The following C9 variants were observed in gnomAD, a reference collection of about 807,000 sequenced individuals.
C9 encodes complement C9, also known as complement component C9.
In C9, 63 loss-of-function variants were observed where a neutral mutation model predicts 65.4. The observed-to-expected ratio is 0.96, with a 90% CI of 0.79 to 1.19. The LOEUF is 1.19. C9 is among the 50% of genes most tolerant of loss of function. The pLI is 0.00. For missense variants in C9, 744 were observed against 670.1 expected, an observed-to-expected ratio of 1.11 and a Z score of -1.22; for synonymous variants, 229 against 227.9, an observed-to-expected ratio of 1.00 and a Z score of -0.04.
chr5:39,335,792 G>A (rs1278557726), intron 4 of C9, among the ~76,000 whole-genome samples: 2 of 152,116 alleles, frequency 1.3e-5, no homozygotes, highest in Admixed American at 6.5e-5. Flanking sequence ...ACCATGGGAG[G>A]GTCATTAAAA....
intron 8 of C9, 33 bp from the exon 9 acceptor site, chr5:39,306,825 G>A (rs754712022): frequency 2.6e-6 from 4 of 1,533,374 alleles, no homozygotes; most frequent in Non-Finnish European, 3.6e-6. Context: ...AAGAGAAGCA[G>A]AAGAAGTTTA....
rs148994168 is a variant in C9, at chr5:39,341,643, C to T, written c.241G>A (p.Ala81Thr). Reference protein sequence around the residue: ...GQFNGKRCTDAVGDRRQCVPT... With the variant: ...GQFNGKRCTDTVGDRRQCVPT... ...ACACACTGTCGTCTGTCTCCCACAGCGTCGGTGCATCTTTTCCCATTAAAT... is the reference window on the plus strand; with the variant it reads ...ACACACTGTCGTCTGTCTCCCACAGTGTCGGTGCATCTTTTCCCATTAAAT... Residue 81 changes from alanine to threonine, a missense_variant, in exon 3 of 11, where the codon GCT becomes ACT. By Grantham distance (58) the Ala-to-Thr change is moderately conservative. Transcript: ENST00000263408. The T allele has an allele frequency of 1.1e-5, 17 of 1,613,584 alleles. No individual in the cohort carries two copies. Among genetic ancestry groups the T allele is most frequent in the Middle Eastern group, 1.6e-4 (1 of 6,082 alleles).
intron 4 of C9, among the ~76,000 whole-genome samples, chr5:39,340,080 G>A (rs559160637): frequency 6.6e-6 from 1 of 152,168 alleles, no homozygotes; most frequent in Non-Finnish European, 1.5e-5. Context: ...ACCCGGGACT[G>A]GAGTCCTATC....
intron 4 of C9, among the ~76,000 whole-genome samples, chr5:39,335,051 C>T (rs1467524779): frequency 6.6e-6 from 1 of 151,566 alleles, no homozygotes; most frequent in East Asian, 1.9e-4. Flanking sequence ...TTGACACAAG[C>T]TCTCCACCAG....
At position 39,343,820 on chromosome 5, in the gene C9, A is replaced by C. The variant is rs922083922; in HGVS notation, c.78-1624T>G. Among the ~76,000 whole-genome samples the C allele has an allele frequency of 2.4e-4, 36 of 152,198 alleles. 1 individual carries two copies. The highest frequency in any genetic ancestry group is 8.7e-4 in the African/African-American group (36 of 41,492). On this transcript the variant is annotated intron_variant, in intron 1 of 10. Transcript: ENST00000263408. ...TCACATGGCTGGGTACCCCTCTGAT[A>C]TGAAGCTTCCAGAGGAACGATCAAG...
intron 4 of C9, among the ~76,000 whole-genome samples, chr5:39,333,687 A>G (rs1753891054): frequency 1.3e-5 from 2 of 151,362 alleles, no homozygotes; most frequent in South Asian, 4.2e-4. Context: ...TACTGCCGCC[A>G]TCTTGGCTCA....
intron 1 of C9, among the ~76,000 whole-genome samples, chr5:39,351,390 G>A (rs1481485507): frequency 1.3e-5 from 2 of 152,172 alleles, no homozygotes; most frequent in Admixed American, 6.5e-5. Context: ...CAGCTGGCTG[G>A]AATTTCTCCC....
intron 9 of C9, among the ~76,000 whole-genome samples, chr5:39,295,345 C>T (rs753624273): frequency 1.3e-5 from 2 of 151,600 alleles, no homozygotes; most frequent in Non-Finnish European, 3.0e-5. Flanking sequence ...AACTGACAAT[C>T]GACTTTAGTA....
chr5:39,353,365 T>C (rs1396193166), intron 1 of C9, among the ~76,000 whole-genome samples: 3 of 152,206 alleles, frequency 2.0e-5, no homozygotes, highest in Non-Finnish European at 4.4e-5. Context: ...CACAATGCCT[T>C]GAGAGCTCTA....
At chr5:39,345,737 G>A (rs560080841) in intron 1 of C9, among the ~76,000 whole-genome samples, 21 of 152,156 alleles carry the variant, frequency 1.4e-4, no homozygotes, top group Middle Eastern at 3.4e-3. Context: ...GCACCACATC[G>A]CACTTATCTC....
At chr5:39,298,475 G>A (rs1024398949) in intron 9 of C9, among the ~76,000 whole-genome samples, 1 of 151,476 alleles carries the variant, frequency 6.6e-6, no homozygotes, top group Non-Finnish European at 1.5e-5. Flanking sequence ...ATCCAAGACA[G>A]GATATCACTA....
chr5:39,363,436 A>C (rs1257286438), intron 1 of C9, among the ~76,000 whole-genome samples: 1 of 152,238 alleles, frequency 6.6e-6, no homozygotes, highest in East Asian at 1.9e-4. Context: ...GGAGACGGGC[A>C]TCAAAGTTCA....
chr5:39,331,552 T>TTAAG (rs1326902685), intron 5 of C9, 124 bp downstream of exon 5: 1 of 856,400 alleles, frequency 1.2e-6, no homozygotes, highest in African/African-American at 1.7e-5. Context: ...CGCCTCTTCT[T>TTAAG]TAAGTCTTGT....
chr5:39,292,847 T>C (rs1753119820), intron 9 of C9, among the ~76,000 whole-genome samples: 1 of 106,160 alleles, frequency 9.4e-6, no homozygotes, highest in African/African-American at 2.8e-5. Flanking sequence ...AGGATGTATA[T>C]TGTGAATCAT....
At chr5:39,318,883 T>C (rs1344436079) in intron 5 of C9, among the ~76,000 whole-genome samples, 3 of 152,232 alleles carry the variant, frequency 2.0e-5, no homozygotes, top group Admixed American at 6.5e-5. Context: ...TAGATCTTTC[T>C]AATGTATTTC....
chr5:39,307,385 A>G (rs1561337025), intron 8 of C9, among the ~76,000 whole-genome samples: 1 of 152,182 alleles, frequency 6.6e-6, no homozygotes, highest in Non-Finnish European at 1.5e-5. Context: ...CTTCATTTTT[A>G]TAGAAGAGAA....
intron 5 of C9, among the ~76,000 whole-genome samples, chr5:39,330,533 C>T (rs1579862694): frequency 6.6e-6 from 1 of 152,310 alleles, no homozygotes; most frequent in Admixed American, 6.5e-5. Flanking sequence ...TAGCCCTTCT[C>T]CCATCAGCAA....
chr5:39,311,166 A>G lies in C9; in HGVS notation c.1082T>C (p.Val361Ala). The change falls in exon 7 of 11, where the codon GTT becomes GCT. Residue 361 changes from valine (V) to alanine (A), a missense_variant. Val to Ala is a moderately conservative substitution (Grantham distance 64, BLOSUM62 0). Transcript: ENST00000263408. ...CCGCTTCATGGAAGCTTTATCCAAAACATATATTAGTTCATAGAGTCCTCC... is the reference window on the plus strand; with the variant it reads ...CCGCTTCATGGAAGCTTTATCCAAAGCATATATTAGTTCATAGAGTCCTCC... ...SLGGLYELIY[V>A]LDKASMKRKG... 1 of 1,613,448 alleles carries G rather than the reference A, an allele frequency of 6.2e-7. No homozygotes were observed. The highest frequency in any genetic ancestry group is 8.5e-7 in the Non-Finnish European group (1 of 1,179,462).
intron 5 of C9, among the ~76,000 whole-genome samples, chr5:39,326,241 G>A (rs1561344256): frequency 6.6e-6 from 1 of 152,200 alleles, no homozygotes; most frequent in East Asian, 1.9e-4. Flanking sequence ...ATTCACATAG[G>A]TGGTAAGTGG....
Sources: gnomAD v4.1 joint callset for allele counts (sites outside exome capture counted in the v4.1 genomes callset) on GRCh38, gnomAD v4.1.1 for gene constraint, MANE v1.5 for transcripts, NCBI Gene and HGNC (gene_info 2026-07-23, HGNC 2026-07-21) for gene names.